PALD1: variants seen among roughly 807,000 people sequenced by gnomAD.
PALD1 encodes phosphatase domain containing paladin 1.
PALD1 carries 57 observed loss-of-function variants against 96.0 expected under a neutral mutation model. The observed-to-expected ratio is 0.59, with a 90% CI of 0.48 to 0.74. The LOEUF (loss-of-function observed/expected upper bound fraction) is 0.74. PALD1 is among the 30% of genes least tolerant of loss of function. The probability of loss-of-function intolerance (pLI) is 0.00; values close to 1 mark genes in which losing one functional copy is unlikely to be tolerated. For missense variants in PALD1, 1,063 were observed against 1,143.7 expected (o/e 0.93, Z 1.02); for synonymous variants, 464 against 473.6 (o/e 0.98, Z 0.26).
At chr10:70,515,703 A>G (rs1337783364) in intron 1 of PALD1, among the ~76,000 whole-genome samples, 1 of 152,094 alleles carries the variant, frequency 6.6e-6, no homozygotes, top group African/African-American at 2.4e-5. Context: ...TTTCATCTTT[A>G]TACGGTCCAG....
In PALD1 at chr10:70,517,914, A is replaced by AT. The variant is rs376446769; in HGVS notation, c.-29-8003dup. Among the ~76,000 whole-genome samples the AT allele has an allele frequency of 3.5e-4, 53 of 149,748 alleles. 1 individual carries two copies. The highest frequency in any genetic ancestry group is 1.2e-3 in the African/African-American group (49 of 40,714). On this transcript the variant is annotated intron_variant, in intron 1 of 19. Transcript: ENST00000263563. ...TTTTGGGGTTGTTTTTTTTATTTTTATTTTTTGAGATGGAGTTTCACTCTT... is the reference window on the plus strand; with the variant it reads ...TTTTGGGGTTGTTTTTTTTATTTTTATTTTTTTGAGATGGAGTTTCACTCTT...
chr10:70,461,734 G>T, the PALD1 span, among the ~76,000 whole-genome samples: 4 of 152,204 alleles, frequency 2.6e-5, no homozygotes, highest in Admixed American at 6.5e-5. Flanking sequence ...GTCCCAGAAA[G>T]CCCTTGGCAC....
chr10:70,561,034 C>G (rs1011579431), intron 18 of PALD1, among the ~76,000 whole-genome samples: 1 of 152,168 alleles, frequency 6.6e-6, no homozygotes, highest in Non-Finnish European at 1.5e-5. Flanking sequence ...GCCCTCGGAA[C>G]CTTCTGGGGG....
intron 1 of PALD1, among the ~76,000 whole-genome samples, chr10:70,516,184 G>A (rs751224219): frequency 2.6e-5 from 4 of 152,118 alleles, no homozygotes; most frequent in Non-Finnish European, 4.4e-5. Flanking sequence ...AGGCTGGAGT[G>A]CAGTGGTGCG....
At chr10:70,489,106 T>C (rs1000425568) in intron 1 of PALD1, among the ~76,000 whole-genome samples, 4 of 151,806 alleles carry the variant, frequency 2.6e-5, no homozygotes, top group African/African-American at 9.7e-5. Context: ...CCTTGGGGAG[T>C]TGCCCCTTGC....
At chr10:70,549,710 A>G (rs909721077) in intron 18 of PALD1, among the ~76,000 whole-genome samples, 1 of 152,256 alleles carries the variant, frequency 6.6e-6, no homozygotes, top group African/African-American at 2.4e-5. Flanking sequence ...ATGAGTTGGT[A>G]TGGGTGAGTT....
At chr10:70,465,367 G>A in the PALD1 span, among the ~76,000 whole-genome samples, 16 of 152,244 alleles carry the variant, frequency 1.1e-4, no homozygotes, top group African/African-American at 3.9e-4. Context: ...CTCAGAGAAG[G>A]GAATAGACTT....
intron 7 of PALD1, 91 bp from the exon 8 acceptor site, chr10:70,533,831 G>A (rs1376140717): frequency 4.9e-6 from 6 of 1,219,784 alleles, no homozygotes; most frequent in Non-Finnish European, 6.7e-6. Flanking sequence ...TGTGGGGCAG[G>A]GTGGGCTGAT....
intron 1 of PALD1, among the ~76,000 whole-genome samples, chr10:70,485,172 A>AT (rs3034566): frequency 0.015 from 2,318 of 149,986 alleles, 31 homozygotes; most frequent in African/African-American, 0.034. Context: ...TTAAAGTTAA[A>AT]TTTTTTTTTT....
intron 1 of PALD1, among the ~76,000 whole-genome samples, chr10:70,508,083 G>C (rs1265659683): frequency 6.6e-6 from 1 of 152,282 alleles, no homozygotes; most frequent in Non-Finnish European, 1.5e-5. Context: ...TGAGTGATTG[G>C]GGGGCTGGTG....
Position 70,568,313 on chromosome 10 carries a change from C to T in PALD1, c.*1580C>T, listed in dbSNP as rs1249039999. On this transcript the variant is annotated 3_prime_UTR_variant, in exon 20 of 20. Coordinates refer to ENST00000263563, the MANE Select transcript of PALD1 (RefSeq NM_014431.3). The stretch of plus-strand genomic sequence containing the variant: ...GGACCACTGGCTGATCACATCACCT[C>T]TCTGCCTCAGTTTCCCCATCTGTAA... 6.6e-6 allele frequency: 1 copy of T among 152,576 alleles called. No homozygotes were observed. The highest frequency in any genetic ancestry group is 1.5e-5 in the Non-Finnish European group (1 of 68,048). The allele number at this position is 152,576 out of a possible 1,614,324, so 9.5% of individuals were successfully genotyped here. A position where few individuals can be genotyped will look rare whatever the true frequency, so the allele number is the denominator to read the frequency against.
intron 5 of PALD1, 83 bp downstream of exon 5, chr10:70,531,537 C>T: frequency 3.0e-6 from 4 of 1,328,224 alleles, no homozygotes; most frequent in South Asian, 1.4e-5. Context: ...CTCACCTGCT[C>T]TTACTGGCCC....
intron 18 of PALD1, among the ~76,000 whole-genome samples, chr10:70,549,947 G>T (rs1564708200): frequency 6.6e-6 from 1 of 152,224 alleles, no homozygotes; most frequent in Admixed American, 6.5e-5. Flanking sequence ...GGCCAGGTTG[G>T]TCGTGACCTC....
At chr10:70,518,973 G>C (rs902132780) in intron 1 of PALD1, among the ~76,000 whole-genome samples, 1 of 152,222 alleles carries the variant, frequency 6.6e-6, no homozygotes, top group Non-Finnish European at 1.5e-5. Flanking sequence ...GCCCAGCCAG[G>C]GAGCCTTGGG....
At chr10:70,511,920 G>A (rs900825364) in intron 1 of PALD1, among the ~76,000 whole-genome samples, 1 of 152,052 alleles carries the variant, frequency 6.6e-6, no homozygotes, top group South Asian at 2.1e-4. Context: ...CCAGCTACTC[G>A]GGAGGCTGAG....
intron 2 of PALD1, among the ~76,000 whole-genome samples, chr10:70,528,907 C>G (rs1846927844): frequency 6.6e-6 from 1 of 152,178 alleles, no homozygotes; most frequent in South Asian, 2.1e-4. Flanking sequence ...CACCTCTTCT[C>G]TTTGGGAATG....
chr10:70,540,260 A>G lies in PALD1; in HGVS notation c.1908+498A>G, dbSNP rs374762497. ...GTGTGTCTCAGTTGGGGGACTGTGT[A>G]TGGAGTGTGTGGGTGGTGTGTGGAA... is the stretch of plus-strand genomic sequence containing the variant. On this transcript the variant is annotated intron_variant, in intron 15 of 19. Transcript: ENST00000263563. This position sits in a 1 kb window ranked among gnomAD's most constrained non-coding sequence, Gnocchi z 4.2. Among the ~76,000 whole-genome samples, 8 of 150,098 alleles carry G rather than the reference A, an allele frequency of 5.3e-5. No individual in the cohort carries two copies. In the East Asian group the frequency reaches 5.9e-4, roughly 11 times the overall value.
At position 70,540,208 on chromosome 10, in the gene PALD1, T is replaced by C. The variant is rs969832730; in HGVS notation, c.1908+446T>C. On this transcript the variant is annotated intron_variant, in intron 15 of 19. Transcript: ENST00000263563. This position sits in a 1 kb window ranked among gnomAD's most constrained non-coding sequence, Gnocchi z 4.2. ...ATAAGGTGTGTGTGTGTGTTGAGGG[T>C]GAACATGTCCAGGGTGTCCGTGGTG... Among the ~76,000 whole-genome samples the C allele has an allele frequency of 2.0e-5, 3 of 151,436 alleles. No individual in the cohort carries two copies. Among genetic ancestry groups the C allele is most frequent in the African/African-American group, 7.3e-5 (3 of 41,128 alleles).
intron 1 of PALD1, among the ~76,000 whole-genome samples, chr10:70,518,421 G>A (rs928456271): frequency 1.3e-5 from 2 of 152,302 alleles, no homozygotes; most frequent in South Asian, 2.1e-4. Context: ...TTACAAAACT[G>A]TCTTCCAGGT....
Sources: allele counts gnomAD v4.1 joint callset (sites outside exome capture counted in the v4.1 genomes callset), GRCh38; gene constraint gnomAD v4.1.1; non-coding constraint Gnocchi (gnomAD v3.1); transcripts MANE v1.5; gene names NCBI Gene and HGNC (gene_info 2026-07-23, HGNC 2026-07-21).